Variants in BCAR3 observed in about 807,000 individuals in gnomAD.
The protein encoded by BCAR3 is BCAR3 adaptor protein, NSP family member, also known as breast cancer anti-estrogen resistance protein 3.
Under a neutral mutation model 80.1 loss-of-function variants are expected in BCAR3, and 37 were observed. That is an observed-to-expected ratio of 0.46 (90% CI 0.36 to 0.61). The LOEUF is 0.61. Among genes scored for constraint, BCAR3 ranks in the 20% least tolerant of loss-of-function variants. The pLI is 0.00. For missense variants in BCAR3, 978 were observed against 1,068.2 expected (o/e 0.92, Z 1.18); for synonymous variants, 389 against 418.9 (o/e 0.93, Z 0.87).
At chr1:93,763,428 T>C (rs1652027217) in intron 2 of BCAR3, among the ~76,000 whole-genome samples, 1 of 152,212 alleles carries the variant, frequency 6.6e-6, no homozygotes, top group Admixed American at 6.5e-5. Context: ...ACATGCAAAA[T>C]GTGTTGAAAT....
At chr1:93,735,020 C>CTG (rs1288925094) in intron 2 of BCAR3, among the ~76,000 whole-genome samples, 2 of 152,226 alleles carry the variant, frequency 1.3e-5, no homozygotes, top group African/African-American at 4.8e-5. Context: ...GTTTGTTTAA[C>CTG]TGCTCTGTAA....
intron 2 of BCAR3, among the ~76,000 whole-genome samples, chr1:93,842,768 G>A (rs1442950923): frequency 6.6e-6 from 1 of 151,976 alleles, no homozygotes; most frequent in Non-Finnish European, 1.5e-5. Context: ...TCCCAACCTC[G>A]TCTGTTGACA....
chr1:93,644,343 T>C (rs1265649200), intron 2 of BCAR3, among the ~76,000 whole-genome samples: 1 of 152,228 alleles, frequency 6.6e-6, no homozygotes, highest in African/African-American at 2.4e-5. Flanking sequence ...CAATCTTTTA[T>C]CTTAACCTGA....
intron 2 of BCAR3, among the ~76,000 whole-genome samples, chr1:93,779,949 C>A (rs1652711443): frequency 1.3e-5 from 2 of 152,132 alleles, no homozygotes. Flanking sequence ...CCCTTGGCCT[C>A]CACCCAAAAG....
At chr1:93,819,889 A>T (rs1654155924) in intron 2 of BCAR3, among the ~76,000 whole-genome samples, 1 of 152,200 alleles carries the variant, frequency 6.6e-6, no homozygotes, top group Admixed American at 6.5e-5. Flanking sequence ...CATACCTGAT[A>T]GACAGTTTTC....
At chr1:93,589,623 C>T (rs896711212) in intron 4 of BCAR3, among the ~76,000 whole-genome samples, 3 of 152,220 alleles carry the variant, frequency 2.0e-5, no homozygotes, top group Non-Finnish European at 2.9e-5. Flanking sequence ...CTACTCGTGC[C>T]AAGCACCACT....
chr1:93,598,759 T>C (rs1674522545), intron 3 of BCAR3, among the ~76,000 whole-genome samples: 1 of 152,306 alleles, frequency 6.6e-6, no homozygotes, highest in East Asian at 1.9e-4. Context: ...GAAAAGTCAC[T>C]GTGGCCAGGA....
At chr1:93,818,981 A>T (rs1430087435) in intron 2 of BCAR3, among the ~76,000 whole-genome samples, 1 of 152,230 alleles carries the variant, frequency 6.6e-6, no homozygotes, top group Admixed American at 6.5e-5. Context: ...ATTTTTGTAA[A>T]TAGAAAAGTA....
chr1:93,796,979 G>A (rs1290099895), intron 2 of BCAR3, among the ~76,000 whole-genome samples: 2 of 152,140 alleles, frequency 1.3e-5, no homozygotes, highest in African/African-American at 4.8e-5. Flanking sequence ...TGTATATGTG[G>A]GTTGCTGAAG....
At chr1:93,635,599 G>A (rs1219982375) in intron 3 of BCAR3, among the ~76,000 whole-genome samples, 1 of 152,174 alleles carries the variant, frequency 6.6e-6, no homozygotes, top group East Asian at 1.9e-4. Context: ...AGTTGGATGG[G>A]AGCTCCCTTT....
At chr1:93,622,109 C>G (rs930833264) in intron 3 of BCAR3, among the ~76,000 whole-genome samples, 1 of 152,130 alleles carries the variant, frequency 6.6e-6, no homozygotes, top group African/African-American at 2.4e-5. Context: ...TCATATTGGC[C>G]AGGCTGGCCT....
At chr1:93,618,933 T>G (rs914199336) in intron 3 of BCAR3, among the ~76,000 whole-genome samples, 31 of 150,926 alleles carry the variant, frequency 2.1e-4, no homozygotes, top group South Asian at 6.3e-4. Flanking sequence ...GGTTTTTTTT[T>G]TTTTTGTTTT....
intron 7 of BCAR3, among the ~76,000 whole-genome samples, chr1:93,578,925 C>G (rs1413677214): frequency 6.6e-6 from 1 of 152,166 alleles, no homozygotes; most frequent in African/African-American, 2.4e-5. Flanking sequence ...AGCTGTATTC[C>G]TTACAGACAG....
intron 2 of BCAR3, among the ~76,000 whole-genome samples, chr1:93,655,493 C>G (rs1184061114): frequency 6.6e-6 from 1 of 152,132 alleles, no homozygotes; most frequent in Non-Finnish European, 1.5e-5. Context: ...GGTAAGGACA[C>G]CCACAGAATT....
At chr1:93,693,016 T>C (rs913383334) in intron 3 of BCAR3, among the ~76,000 whole-genome samples, 2 of 152,134 alleles carry the variant, frequency 1.3e-5, no homozygotes, top group Admixed American at 6.5e-5. Flanking sequence ...CACAGGTGTG[T>C]CCTAGCGCCG....
At chr1:93,636,688 C>T (rs1000649819) in intron 3 of BCAR3, among the ~76,000 whole-genome samples, 1 of 152,054 alleles carries the variant, frequency 6.6e-6, no homozygotes, top group African/African-American at 2.4e-5. Context: ...AGAAAAATCA[C>T]CCAGCCCTGC....
chr1:93,763,834 G>T (rs562156594), intron 2 of BCAR3, among the ~76,000 whole-genome samples: 2 of 152,302 alleles, frequency 1.3e-5, no homozygotes, highest in East Asian at 3.9e-4. Context: ...CACTATGGCC[G>T]ATTTCAAGCT....
At chr1:93,607,438 G>A (rs575297978) in intron 3 of BCAR3, among the ~76,000 whole-genome samples, 2 of 152,030 alleles carry the variant, frequency 1.3e-5, no homozygotes, top group Non-Finnish European at 2.9e-5. Flanking sequence ...ATTAGGGTGA[G>A]CTGAACTAGG....
chr1:93,652,935 T>C (rs1676368853), intron 2 of BCAR3, among the ~76,000 whole-genome samples: 1 of 152,242 alleles, frequency 6.6e-6, no homozygotes, highest in African/African-American at 2.4e-5. Context: ...AATGTTTAGT[T>C]GAGTCGCAGA....
Sources: allele counts gnomAD v4.1 joint callset (sites outside exome capture counted in the v4.1 genomes callset), GRCh38; gene constraint gnomAD v4.1.1; transcripts MANE v1.5; gene names NCBI Gene and HGNC (gene_info 2026-07-23, HGNC 2026-07-21).